CHD9: variants seen among roughly 807,000 people sequenced by gnomAD.
The protein encoded by CHD9 is chromodomain helicase DNA binding protein 9, also known as ATP-dependent chromatin remodeler CHD9.
CHD9 carries 77 observed loss-of-function variants against 316.1 expected under a neutral mutation model. That is an observed-to-expected ratio of 0.24 (90% CI 0.20 to 0.29). CHD9 has a LOEUF of 0.29. CHD9 is among the 10% of genes least tolerant of loss of function. CHD9 has a pLI of 1.00. For synonymous variants in CHD9, 1,129 were observed against 1,158.3 expected, an observed-to-expected ratio of 0.97 and a Z score of 0.51; for missense variants, 2,763 against 3,438.1, an observed-to-expected ratio of 0.80 and a Z score of 4.91.
chr16:53,292,737 A>G lies in CHD9; in HGVS notation c.5291-96A>G, dbSNP rs937558605. On this transcript the variant is annotated intron_variant, in intron 28 of 38. Transcript: ENST00000447540. ...GAAATATGTTTTTTTTTCCCCACAT[A>G]GATTGAATTAAAAATTTTTAAAGTA... 5.5e-6 allele frequency: 5 copies of G among 901,356 alleles called. No homozygotes were observed. In the Admixed American group the frequency reaches 6.9e-5, roughly 12 times the overall value. 55.8% of individuals were successfully genotyped at this position (901,356 alleles called of 1,614,324 possible). A position where few individuals can be genotyped will look rare whatever the true frequency, so the allele number is the denominator to read the frequency against.
At chr16:53,078,891 A>T (rs2034779962) in intron 1 of CHD9, among the ~76,000 whole-genome samples, 1 of 152,102 alleles carries the variant, frequency 6.6e-6, no homozygotes, top group Admixed American at 6.5e-5. Flanking sequence ...CACTGTTAAC[A>T]TTGTATCAGG....
chr16:53,127,406 T>C (rs2039017315), intron 1 of CHD9, among the ~76,000 whole-genome samples: 1 of 152,232 alleles, frequency 6.6e-6, no homozygotes, highest in South Asian at 2.1e-4. Context: ...AATGCTTATA[T>C]AGGGAATTTT....
In CHD9 at chr16:53,324,519, C is replaced by A. The variant is rs1598036188; in HGVS notation, c.8318C>A (p.Ser2773Tyr). ...ENGGENSVSSSPSTSSTAALN... is the reference protein window; with the variant it reads ...ENGGENSVSSYPSTSSTAALN... ...GGTGGAGAAAACTCTGTGTCAAGTT[C>A]TCCTTCCACATCCTCTACTGCTGCA... Residue 2773 changes from serine (S) to tyrosine (Y), a missense_variant, in exon 39 of 39, where the codon TCT (serine) becomes TAT (tyrosine). By Grantham distance (144) the Ser-to-Tyr change is moderately radical. Transcript: ENST00000447540. 6.2e-7 allele frequency: 1 copy of A among 1,613,952 alleles called. No homozygotes were observed. Among genetic ancestry groups the A allele is most frequent in the African/African-American group, 1.3e-5 (1 of 75,060 alleles).
intron 29 of CHD9, among the ~76,000 whole-genome samples, chr16:53,296,434 A>ATTTTTTTTTTT (rs35618799): frequency 2.0e-5 from 2 of 101,764 alleles, no homozygotes; most frequent in African/African-American, 4.1e-5. Context: ...TTAAAAGTAA[A>ATTTTTTTTTTT]TTTTTTTTTT....
intron 1 of CHD9, among the ~76,000 whole-genome samples, chr16:53,107,188 AT>A (rs1463853883): frequency 1.3e-5 from 2 of 150,908 alleles, no homozygotes; most frequent in East Asian, 4.0e-4. Context: ...TAATCCCAGC[AT>A]TTTGGGAGGC....
intron 1 of CHD9, among the ~76,000 whole-genome samples, chr16:53,102,088 G>C (rs376162575): frequency 6.6e-6 from 1 of 152,190 alleles, no homozygotes; most frequent in South Asian, 2.1e-4. Context: ...GTGAATCTGG[G>C]TGATGCTGGT....
chr16:53,083,343 G>T (rs1199959576), intron 1 of CHD9, among the ~76,000 whole-genome samples: 1 of 152,032 alleles, frequency 6.6e-6, no homozygotes, highest in Non-Finnish European at 1.5e-5. Context: ...TCCTCTTATC[G>T]TCTCCTTCCA....
At chr16:53,309,377 T>A (rs968954764) in intron 34 of CHD9, among the ~76,000 whole-genome samples, 1 of 152,176 alleles carries the variant, frequency 6.6e-6, no homozygotes, top group South Asian at 2.1e-4. Flanking sequence ...AAATTTTGCC[T>A]CCTATAGGTT....
intron 1 of CHD9, among the ~76,000 whole-genome samples, chr16:53,107,722 T>G (rs2037482141): frequency 6.6e-6 from 1 of 151,946 alleles, no homozygotes; most frequent in South Asian, 2.1e-4. Flanking sequence ...ATTGGCACAT[T>G]GTTACCTGAG....
intron 15 of CHD9, among the ~76,000 whole-genome samples, chr16:53,246,257 T>C (rs765955466): frequency 5.9e-5 from 9 of 152,234 alleles, no homozygotes; most frequent in Non-Finnish European, 1.0e-4. Context: ...TTTCCCAGTG[T>C]TCTCTCTGTA....
chr16:53,197,803 G>A (rs981696560), intron 2 of CHD9, among the ~76,000 whole-genome samples: 5 of 151,758 alleles, frequency 3.3e-5, no homozygotes, highest in South Asian at 2.1e-4. Flanking sequence ...GACTACAGGC[G>A]TGCACCACCA....
chr16:53,294,092 C>G (rs1040934504), intron 29 of CHD9, among the ~76,000 whole-genome samples: 1 of 152,064 alleles, frequency 6.6e-6, no homozygotes, highest in Admixed American at 6.5e-5. Context: ...AAGACAAATC[C>G]TTGGAACTAC....
At chr16:53,234,150 T>C (rs73599622) in intron 10 of CHD9, among the ~76,000 whole-genome samples, 4,930 of 152,280 alleles carry the variant, frequency 0.032, 99 homozygotes, top group Middle Eastern at 0.071. Context: ...TTATTGTTTT[T>C]TAAAAATATA....
intron 1 of CHD9, among the ~76,000 whole-genome samples, chr16:53,114,610 C>T (rs1159141641): frequency 1.4e-5 from 2 of 142,388 alleles, no homozygotes; most frequent in East Asian, 2.2e-4. Flanking sequence ...TTTTTTGAGA[C>T]GGAGTCTCGC....
chr16:53,165,360 T>C (rs1265136049), intron 2 of CHD9, among the ~76,000 whole-genome samples: 1 of 152,200 alleles, frequency 6.6e-6, no homozygotes, highest in Non-Finnish European at 1.5e-5. Flanking sequence ...TCCTCCACTA[T>C]CCAATTATGT....
At chr16:53,258,149 A>T (rs1437706593) in intron 19 of CHD9, among the ~76,000 whole-genome samples, 1 of 152,112 alleles carries the variant, frequency 6.6e-6, no homozygotes, top group Non-Finnish European at 1.5e-5. Context: ...ATAGGTTTTG[A>T]ATTCTGATTC....
At chr16:53,205,212 A>G (rs977104847) in intron 2 of CHD9, among the ~76,000 whole-genome samples, 1 of 152,194 alleles carries the variant, frequency 6.6e-6, no homozygotes, top group Non-Finnish European at 1.5e-5. Flanking sequence ...AATACTTTGT[A>G]TTTTGAAACT....
At position 53,255,330 on chromosome 16, in the gene CHD9, TAAAGA is replaced by T. The variant is rs948526501; in HGVS notation, c.4030-263_4030-259del. Among the ~76,000 whole-genome samples, 6 of 151,974 alleles carry T rather than the reference TAAAGA, an allele frequency of 3.9e-5. 1 individual carries two copies. The highest frequency in any genetic ancestry group is 9.7e-5 in the African/African-American group (4 of 41,406). The stretch of plus-strand genomic sequence containing the variant: ...TCTTAAAAAGAAAAAAAATAAAAAA[TAAAGA>T]AAAGAACCTTGAAAGATGTTACCCA... On this transcript the variant is annotated intron_variant, in intron 18 of 38. Transcript: ENST00000447540.
At position 53,326,121 on chromosome 16, in the gene CHD9, A is replaced by C. The variant is rs1202991923; in HGVS notation, c.*1226A>C. 1 of 152,292 alleles carries C rather than the reference A, an allele frequency of 6.6e-6. No individual in the cohort carries two copies. The highest frequency in any genetic ancestry group is 1.5e-5 in the Non-Finnish European group (1 of 67,870). The allele number at this position is 152,292 out of a possible 1,614,324, so 9.4% of individuals were successfully genotyped here. A position where few individuals can be genotyped will look rare whatever the true frequency, so the allele number is the denominator to read the frequency against. ...CTGAGGCTTCTGTTCAATTTCATAG[A>C]CTCCTTTACCATGTAAAATTTGTCT... is the stretch of plus-strand genomic sequence containing the variant. On this transcript the variant is annotated 3_prime_UTR_variant, in exon 39 of 39. Transcript: ENST00000447540.
Sources: gnomAD v4.1 joint callset for allele counts (sites outside exome capture counted in the v4.1 genomes callset) on GRCh38, gnomAD v4.1.1 for gene constraint, MANE v1.5 for transcripts, NCBI Gene and HGNC (gene_info 2026-07-23, HGNC 2026-07-21) for gene names.